EXOC2: variants seen among roughly 807,000 people sequenced by gnomAD.
The protein encoded by EXOC2 is SEC5-like 1.
Under a neutral mutation model 131.8 loss-of-function variants are expected in EXOC2, and 70 were observed. That is an observed-to-expected ratio of 0.53 (90% confidence interval 0.44 to 0.65). The LOEUF (loss-of-function observed/expected upper bound fraction) is 0.65. EXOC2 is among the 30% of genes least tolerant of loss of function. The probability of loss-of-function intolerance (pLI) is 0.00; values close to 1 mark genes in which losing one functional copy is unlikely to be tolerated. For synonymous variants in EXOC2, 411 were observed against 398.4 expected, an observed-to-expected ratio of 1.03 and a Z score of -0.38; for missense variants, 923 against 1,108.6, an observed-to-expected ratio of 0.83 and a Z score of 2.38.
intron 10 of EXOC2, among the ~76,000 whole-genome samples, chr6:596,936 A>C (rs1759850465): frequency 6.6e-6 from 1 of 152,184 alleles, no homozygotes; most frequent in Non-Finnish European, 1.5e-5. Flanking sequence ...ATGTACATAA[A>C]ATTTACTGAC....
intron 6 of EXOC2, among the ~76,000 whole-genome samples, chr6:613,433 T>A (rs886924658): frequency 6.6e-6 from 1 of 151,402 alleles, no homozygotes; most frequent in East Asian, 1.9e-4. Context: ...AGAATGCAGA[T>A]GATGTAAAAA....
chr6:586,326 G>T (rs1759205211), intron 11 of EXOC2, among the ~76,000 whole-genome samples: 1 of 152,148 alleles, frequency 6.6e-6, no homozygotes, highest in Non-Finnish European at 1.5e-5. Context: ...GCTCTGATGG[G>T]GGCACTGCGG....
chr6:556,459 G>A (rs767037356), intron 18 of EXOC2, 25 bp downstream of exon 18: 1 of 1,610,724 alleles, frequency 6.2e-7, no homozygotes, highest in Non-Finnish European at 8.5e-7. Flanking sequence ...GGAAACTGGA[G>A]TCCAAGCGGA....
chr6:545,522 T>C (rs1417328378), intron 22 of EXOC2, among the ~76,000 whole-genome samples: 2 of 152,278 alleles, frequency 1.3e-5, no homozygotes, highest in East Asian at 1.9e-4. Context: ...TCTTCTAGAA[T>C]ATAAACAGTC....
chr6:506,263 T>C lies in EXOC2; in HGVS notation c.2381-6563A>G, dbSNP rs954708064. 1.3e-5 allele frequency among the ~76,000 whole-genome samples: 2 copies of C among 152,216 alleles called. No homozygotes were observed. The highest frequency in any genetic ancestry group is 4.8e-5 in the African/African-American group (2 of 41,450). ...CTGAATGCTCCGCACGTGCTGGATA[T>C]TAGGAAGATGTCCAGGTATATCAGG... On this transcript the variant is annotated intron_variant, in intron 23 of 27. Transcript: ENST00000230449. This position sits in a 1 kb window ranked among gnomAD's most constrained non-coding sequence, Gnocchi z 4.4.
chr6:572,236 C>G (rs985704008), intron 13 of EXOC2, among the ~76,000 whole-genome samples: 1 of 152,138 alleles, frequency 6.6e-6, no homozygotes, highest in African/African-American at 2.4e-5. Flanking sequence ...GAAAAGAGTT[C>G]GAGCTTTCTT....
At chr6:494,942 G>A (rs911493759) in intron 25 of EXOC2, among the ~76,000 whole-genome samples, 8 of 152,106 alleles carry the variant, frequency 5.3e-5, no homozygotes, top group Admixed American at 1.3e-4. Flanking sequence ...GCAGTAGCAC[G>A]ATCACAGTTC....
rs983916009 is a variant in EXOC2 at position 651,927 on chromosome 6, G to A, written c.-43-14066C>T. On this transcript the variant is annotated intron_variant, in intron 1 of 27. Coordinates refer to ENST00000230449, the MANE Select transcript of EXOC2 (RefSeq NM_018303.6). ...AAAAACTAGCCGGGTGCGGTGGTGC[G>A]CGCCTGTAATCCCAGCTACTCAGGA... is the stretch of plus-strand genomic sequence containing the variant. Among the ~76,000 whole-genome samples, 13 of 151,484 alleles carry A rather than the reference G, an allele frequency of 8.6e-5. 1 individual carries two copies. The highest frequency in any genetic ancestry group is 1.9e-4 in the African/African-American group (8 of 41,248).
chr6:593,109 A>C (rs17135234), intron 10 of EXOC2, among the ~76,000 whole-genome samples: 16,944 of 152,212 alleles, frequency 0.11, 1,166 homozygotes, highest in East Asian at 0.15. Context: ...TGATAAAACT[A>C]TTAAAAACAG....
Position 499,654 on chromosome 6 carries a change from C to T in EXOC2, c.2427G>A (p.Val809=). 2 of 1,613,556 alleles carry T rather than the reference C, an allele frequency of 1.2e-6. No homozygotes were observed. Among genetic ancestry groups the T allele is most frequent in the Non-Finnish European group, 1.7e-6 (2 of 1,179,654 alleles). The change falls in exon 24 of 28, where the codon GTG becomes GTA. Residue 809 remains valine (V), a synonymous_variant. Coordinates refer to ENST00000230449, the MANE Select transcript of EXOC2 (RefSeq NM_018303.6). ...TCTAATGATACTTTACCTCTGCATG[C>T]ACGGCAATTATATTCACCAGTGCTT... ...LKEALVNIIA[V]HAEVFTISKE...
chr6:559,145 C>T (rs1295558802), intron 17 of EXOC2, among the ~76,000 whole-genome samples: 1 of 152,152 alleles, frequency 6.6e-6, no homozygotes, highest in African/African-American at 2.4e-5. Context: ...TTCTCAGAAT[C>T]TCAGAATTAT....
At chr6:592,366 A>T in intron 11 of EXOC2, 103 bp downstream of exon 11, 1 of 984,588 alleles carries the variant, frequency 1.0e-6, no homozygotes, top group Non-Finnish European at 1.6e-6. Context: ...AATAAGAGAT[A>T]CCAAGTAAAT....
rs539272563 is a variant in EXOC2 at position 578,406 on chromosome 6, C to G, written c.1193-1524G>C. Among the ~76,000 whole-genome samples, 4 of 152,102 alleles carry G rather than the reference C, an allele frequency of 2.6e-5. No individual in the cohort carries two copies. In the East Asian group the frequency reaches 7.7e-4, roughly 29 times the overall value. On this transcript the variant is annotated intron_variant, in intron 11 of 27. Coordinates refer to ENST00000230449, the MANE Select transcript of EXOC2 (RefSeq NM_018303.6). The stretch of plus-strand genomic sequence containing the variant: ...GATGTTTACATTCTGGTGGTGGAGG[C>G]AGAAAATAAACCAATAGATAAATAA...
chr6:550,530 G>T (rs1024411479), intron 21 of EXOC2, among the ~76,000 whole-genome samples: 2 of 152,144 alleles, frequency 1.3e-5, no homozygotes, highest in African/African-American at 4.8e-5. Context: ...TCAAACAAGC[G>T]AACGGCCTTG....
At chr6:589,369 G>A (rs1043737973) in intron 11 of EXOC2, among the ~76,000 whole-genome samples, 4 of 152,128 alleles carry the variant, frequency 2.6e-5, no homozygotes, top group Non-Finnish European at 5.9e-5. Context: ...CTGATCTAGA[G>A]AACTGACTGT....
At chr6:520,672 CCACCCACCGAGCGCCGA>C (rs1288390400) in intron 23 of EXOC2, among the ~76,000 whole-genome samples, 1 of 105,022 alleles carries the variant, frequency 9.5e-6, no homozygotes, top group African/African-American at 4.2e-5. Context: ...ACGAAAACAA[CCACCCACCGAGCGCCGA>C]CACTCGCCGT....
At chr6:639,247 G>A (rs1389723340) in intron 1 of EXOC2, among the ~76,000 whole-genome samples, 1 of 152,102 alleles carries the variant, frequency 6.6e-6, no homozygotes, top group Non-Finnish European at 1.5e-5. Context: ...AAAGCCGTGG[G>A]ACTCAGGCTG....
chr6:561,241 A>T (rs1757684005), intron 17 of EXOC2, among the ~76,000 whole-genome samples: 1 of 152,120 alleles, frequency 6.6e-6, no homozygotes, highest in South Asian at 2.1e-4. Flanking sequence ...CCCCCAGAAG[A>T]CAGTCCATGA....
intron 1 of EXOC2, among the ~76,000 whole-genome samples, chr6:675,680 G>A (rs62386485): frequency 0.018 from 242 of 13,688 alleles, 5 homozygotes; most frequent in African/African-American, 0.034. Context: ...TCAACATTAC[G>A]GAAAGGACAG....
Sources: allele counts gnomAD v4.1 joint callset (sites outside exome capture counted in the v4.1 genomes callset), GRCh38; gene constraint gnomAD v4.1.1; non-coding constraint Gnocchi (gnomAD v3.1); transcripts MANE v1.5; gene names NCBI Gene and HGNC (gene_info 2026-07-23, HGNC 2026-07-21).